ILF2: variants seen among roughly 807,000 people sequenced by gnomAD.
ILF2 encodes interleukin enhancer-binding factor 2.
A neutral mutation model predicts 55.3 loss-of-function variants in ILF2; 9 were observed. That is an observed-to-expected ratio of 0.16 (90% CI 0.10 to 0.28). The LOEUF (loss-of-function observed/expected upper bound fraction) is 0.28, where lower values mean the gene tolerates loss of function less well. Ranked by LOEUF, ILF2 falls within the 10% of genes least tolerant of loss-of-function variation. The pLI, the probability that ILF2 is intolerant of heterozygous loss-of-function variation, is 1.00. For synonymous variants in ILF2, 151 were observed against 161.8 expected (o/e 0.93, Z 0.50); for missense variants, 266 against 474.9 (o/e 0.56, Z 4.09).
chr1:153,668,187 T>TA, intron 4 of ILF2, 110 bp from the exon 5 acceptor site: 1 of 863,250 alleles, frequency 1.2e-6, no homozygotes, highest in South Asian at 1.7e-5. Flanking sequence ...AATACTGACA[T>TA]AGGGCTTTAA....
At chr1:153,669,747 AACC>A in intron 3 of ILF2, 86 bp downstream of exon 3, 1 of 1,133,420 alleles carries the variant, frequency 8.8e-7, no homozygotes, top group South Asian at 1.2e-5. Flanking sequence ...TGCCCTCTTC[AACC>A]ACCATCTAAC....
Position 153,670,973 on chromosome 1 carries a change from G to A in ILF2, c.-51C>T, listed in dbSNP as rs1197566516. ...GGCCGCACCAACCGCCCCTTCCTCTGAGTAGCAGACAACTGAAGAGGCGTC... is the reference window on the plus strand; with the variant it reads ...GGCCGCACCAACCGCCCCTTCCTCTAAGTAGCAGACAACTGAAGAGGCGTC... On this transcript the variant is annotated 5_prime_UTR_variant, in exon 1 of 14. Coordinates refer to ENST00000361891, the MANE Select transcript of ILF2 (RefSeq NM_004515.4). 1.9e-6 allele frequency: 3 copies of A among 1,613,352 alleles called. No homozygotes were observed. The highest frequency in any genetic ancestry group is 2.7e-5 in the African/African-American group (2 of 74,908).
Position 153,668,028 on chromosome 1 carries a change from A to G in ILF2, c.263T>C (p.Leu88Pro). ...VTKINNVIDNLIVAPGTFEVQ... is the reference protein window; with the variant it reads ...VTKINNVIDNPIVAPGTFEVQ... Reference sequence around the variant, plus strand: ...TTCAAATGTCCCTGGAGCCACAATCAGATTATCAATCACATTGTTTATTTT... The same window carrying G: ...TTCAAATGTCCCTGGAGCCACAATCGGATTATCAATCACATTGTTTATTTT... The change falls in exon 5 of 14, where the codon CTG becomes CCG. Residue 88 changes from leucine (L) to proline (P), a missense_variant. Coordinates refer to ENST00000361891, the MANE Select transcript of ILF2 (RefSeq NM_004515.4). The G allele has an allele frequency of 6.2e-7, 1 of 1,612,432 alleles. No homozygotes were observed.
At chr1:153,666,943 G>A (rs1409279956) in intron 6 of ILF2, among the ~76,000 whole-genome samples, 1 of 152,040 alleles carries the variant, frequency 6.6e-6, no homozygotes, top group Non-Finnish European at 1.5e-5. Context: ...CTAACATGGT[G>A]AAACCCCGTC....
chr1:153,668,245 G>T (rs1337506298), intron 4 of ILF2, among the ~76,000 whole-genome samples, 168 bp from the exon 5 acceptor site: 1 of 152,096 alleles, frequency 6.6e-6, no homozygotes, highest in Non-Finnish European at 1.5e-5. Context: ...ACAACTCTTT[G>T]TCCCCAGTAA....
At chr1:153,665,470 C>A in intron 7 of ILF2, 134 bp from the exon 8 acceptor site, 1 of 764,942 alleles carries the variant, frequency 1.3e-6, no homozygotes, top group South Asian at 1.6e-5. Flanking sequence ...GAATACAGAG[C>A]TTTAGAAGGG....
Position 153,665,249 on chromosome 1 carries a change from T to C in ILF2, c.548A>G (p.Asn183Ser), listed in dbSNP as rs757196098. Reference sequence around the variant, plus strand: ...GAGTTCTGGATCCAGTTTTCGAAGATTGGGTGGCACTGTTGTAATGAGAAT... The same window carrying C: ...GAGTTCTGGATCCAGTTTTCGAAGACTGGGTGGCACTGTTGTAATGAGAAT... Reference protein sequence around the residue: ...VKILITTVPPNLRKLDPELHL... With the variant: ...VKILITTVPPSLRKLDPELHL... The change falls in exon 8 of 14, where the codon AAT becomes AGT. Residue 183 changes from asparagine to serine, a missense_variant. Asn to Ser is a conservative substitution (Grantham distance 46). Transcript: ENST00000361891. 2 of 1,610,688 alleles carry C rather than the reference T, an allele frequency of 1.2e-6. No individual in the cohort carries two copies. Among genetic ancestry groups the C allele is most frequent in the Non-Finnish European group, 1.7e-6 (2 of 1,176,998 alleles).
rs1353603781 is a variant in ILF2, at chr1:153,667,220, G to A, written c.394+335C>T. On this transcript the variant is annotated intron_variant, in intron 6 of 13. Transcript: ENST00000361891. ...GGGCTGGGCACAGTGGCTCACGCCT[G>A]TAATCCCAGCACTTTGGGAGGCTGA... 25 of 426,184 alleles carry A rather than the reference G, an allele frequency of 5.9e-5. No individual in the cohort carries two copies. The East Asian group carries it at 8.7e-4, about 15-fold the overall frequency. The allele number at this position is 426,184 out of a possible 1,614,324, so 26.4% of individuals were successfully genotyped here.
intron 6 of ILF2, among the ~76,000 whole-genome samples, chr1:153,666,042 G>A (rs1481939264): frequency 3.3e-5 from 5 of 152,018 alleles, no homozygotes; most frequent in Admixed American, 6.6e-5. Context: ...CAGCATCCAC[G>A]GCCTCTATCC....
At chr1:153,666,321 T>C (rs1271001392) in intron 6 of ILF2, among the ~76,000 whole-genome samples, 2 of 151,866 alleles carry the variant, frequency 1.3e-5, no homozygotes, top group Non-Finnish European at 2.9e-5. Flanking sequence ...GTAGTGGGGA[T>C]TACAGACGCC....
chr1:153,667,966 G>A, intron 5 of ILF2, 34 bp downstream of exon 5: 4 of 1,470,992 alleles, frequency 2.7e-6, no homozygotes, highest in Non-Finnish European at 3.8e-6. Flanking sequence ...TACCAAAGCT[G>A]CCCTTTCCTA....
In ILF2 at chr1:153,662,452, TCTC is replaced by T. The variant is rs756474490; in HGVS notation, c.1114_1116del (p.Glu372del). 48 of 1,613,050 alleles carry T rather than the reference TCTC, an allele frequency of 3.0e-5. No individual in the cohort carries two copies. Among genetic ancestry groups the T allele is most frequent in the African/African-American group, 4.0e-5 (3 of 75,010 alleles). On this transcript the variant is annotated inframe_deletion, in exon 14 of 14. Transcript: ENST00000361891. Reference sequence around the variant, plus strand: ...TCTCCTTGAGGTGGTTCTTCTGTATTCTCCTCTTCTTCCTCTCCTTCCTTCTTC... The same window carrying T: ...TCTCCTTGAGGTGGTTCTTCTGTATTCTCTTCTTCCTCTCCTTCCTTCTTC...
chr1:153,668,505 C>T lies in ILF2; in HGVS notation c.161G>A (p.Ser54Asn). 1 of 1,614,178 alleles carries T rather than the reference C, an allele frequency of 6.2e-7. No homozygotes were observed. The highest frequency in any genetic ancestry group is 8.5e-7 in the Non-Finnish European group (1 of 1,180,022). Residue 54 changes from serine to asparagine, a missense_variant, in exon 4 of 14, where the codon AGT becomes AAT. Ser to Asn is a conservative substitution (Grantham distance 46). Transcript: ENST00000361891. ...CTGATTCCTCTTCAGCAAGGCCTCACTGAAGGAAGTTTCATCAGGTGCTGG... is the reference window on the plus strand; with the variant it reads ...CTGATTCCTCTTCAGCAAGGCCTCATTGAAGGAAGTTTCATCAGGTGCTGG... ...VKPAPDETSF[S>N]EALLKRNQDL... is the part of the protein sequence containing the mutation.
In ILF2 at chr1:153,668,543, A is replaced by G. The variant is rs1333125643; in HGVS notation, c.123T>C (p.Phe41=). 1.9e-6 allele frequency: 3 copies of G among 1,613,516 alleles called. No individual in the cohort carries two copies. The Admixed American group carries it at 5.0e-5, about 27-fold the overall frequency. The change falls in exon 4 of 14, where the codon TTT becomes TTC. Residue 41 remains phenylalanine, a synonymous_variant. Coordinates refer to ENST00000361891, the MANE Select transcript of ILF2 (RefSeq NM_004515.4). ...PFDFYLCEMA[F]PRVKPAPDET... ...CATCAGGTGCTGGCTTGACCCGGGGAAAGGCCATTTCACACTAAACCAGAA... is the reference window on the plus strand; with the variant it reads ...CATCAGGTGCTGGCTTGACCCGGGGGAAGGCCATTTCACACTAAACCAGAA...
chr1:153,663,399 G>C (rs2101711938), intron 10 of ILF2, 123 bp from the exon 11 acceptor site: 1 of 891,568 alleles, frequency 1.1e-6, no homozygotes, highest in East Asian at 2.5e-5. Flanking sequence ...CGCAATCATA[G>C]TTCACTGTAA....
rs140651236 is a variant in ILF2, at chr1:153,662,343, G to T, written c.*53C>A. ...GTCACCATGTAAAGCCCAGTAGCAG[G>T]CAGCTTAGGCTCCAGTCTTCCCCCT... On this transcript the variant is annotated 3_prime_UTR_variant, in exon 14 of 14. Transcript: ENST00000361891. 3.0e-4 allele frequency: 476 copies of T among 1,607,904 alleles called. 1 individual carries two copies. The highest frequency in any genetic ancestry group is 3.8e-4 in the Non-Finnish European group (446 of 1,177,284).
At chr1:153,667,803 C>G in intron 5 of ILF2, 146 bp from the exon 6 acceptor site, 1 of 687,312 alleles carries the variant, frequency 1.5e-6, no homozygotes. Flanking sequence ...CACATGAAAG[C>G]CTGATACATC....
rs759957748 is a variant in ILF2 at position 153,665,642 on chromosome 1, G to A, written c.460+21C>T. On this transcript the variant is annotated intron_variant, in intron 7 of 13. Transcript: ENST00000361891. ...CTGGTTCCTATGGCTACTAAATACA[G>A]AATCAGCAACAAATGCAAACCTTCA... The A allele has an allele frequency of 5.0e-6, 8 of 1,602,892 alleles. No individual in the cohort carries two copies. In the South Asian group the frequency reaches 7.7e-5, roughly 15 times the overall value.
intron 3 of ILF2, among the ~76,000 whole-genome samples, chr1:153,668,945 C>A (rs542556324): frequency 9.9e-5 from 15 of 152,040 alleles, no homozygotes; most frequent in Admixed American, 7.9e-4. Context: ...TCACGCACAC[C>A]TGTAATCCCA....
Sources: gnomAD v4.1 joint callset for allele counts (sites outside exome capture counted in the v4.1 genomes callset) on GRCh38, gnomAD v4.1.1 for gene constraint, MANE v1.5 for transcripts, NCBI Gene and HGNC (gene_info 2026-07-23, HGNC 2026-07-21) for gene names.